Variants in CCAR1 observed in about 807,000 individuals in gnomAD.
CCAR1 encodes cell division cycle and apoptosis regulator 1.
A neutral mutation model predicts 163.8 loss-of-function variants in CCAR1; 78 were observed. The ratio of observed to expected loss-of-function variants is 0.48; its 90% CI spans 0.40 to 0.57. The LOEUF (loss-of-function observed/expected upper bound fraction) is 0.57. CCAR1 is among the 20% of genes least tolerant of loss of function. The pLI is 0.00. For synonymous variants in CCAR1, 443 were observed against 460.7 expected (o/e 0.96, Z 0.49); for missense variants, 1,019 against 1,365.2 (o/e 0.75, Z 4.00).
At chr10:68,774,230 G>C (rs937467551) in intron 19 of CCAR1, among the ~76,000 whole-genome samples, 6 of 152,088 alleles carry the variant, frequency 3.9e-5, no homozygotes, top group African/African-American at 1.4e-4. Context: ...GTCTCATTCT[G>C]TTGCCCAGGC....
intron 2 of CCAR1, among the ~76,000 whole-genome samples, chr10:68,733,907 A>G (rs890983626): frequency 2.0e-5 from 3 of 151,982 alleles, no homozygotes; most frequent in Non-Finnish European, 4.4e-5. Context: ...CAGGTGATCT[A>G]CCCTGCTCAG....
chr10:68,762,782 A>G (rs2133381164), intron 16 of CCAR1, among the ~76,000 whole-genome samples: 1 of 152,042 alleles, frequency 6.6e-6, no homozygotes, highest in East Asian at 1.9e-4. Context: ...TTAGAATGTG[A>G]AAAATTCTCG....
chr10:68,766,750 T>C (rs573793214), intron 17 of CCAR1, among the ~76,000 whole-genome samples: 1 of 150,084 alleles, frequency 6.7e-6, no homozygotes, highest in East Asian at 2.0e-4. Flanking sequence ...GGTCTCGAAC[T>C]CCAACCTCAG....
chr10:68,747,370 G>C lies in CCAR1; in HGVS notation c.634-4G>C. On this transcript the variant is annotated splice_region_variant and splice_polypyrimidine_tract_variant and intron_variant, in intron 7 of 24. Transcript: ENST00000265872. ...TTTCTTATTCTTTCATTTTTTAATT[G>C]AAGAATCAGTCGCAAACCCAGCCAT... The C allele has an allele frequency of 6.2e-7, 1 of 1,602,224 alleles. No homozygotes were observed. Among genetic ancestry groups the C allele is most frequent in the Non-Finnish European group, 8.5e-7 (1 of 1,175,544 alleles).
At chr10:68,772,168 C>T (rs1276904740) in intron 18 of CCAR1, among the ~76,000 whole-genome samples, 4 of 152,024 alleles carry the variant, frequency 2.6e-5, no homozygotes, top group East Asian at 1.9e-4. Context: ...TGTGAGCCAC[C>T]GCACCCAGCC....
intron 17 of CCAR1, among the ~76,000 whole-genome samples, chr10:68,769,304 A>G (rs565723906): frequency 6.6e-6 from 1 of 152,326 alleles, no homozygotes; most frequent in Admixed American, 6.5e-5. Flanking sequence ...GTCTGTTGAA[A>G]GCAATGGACT....
chr10:68,772,025 C>G (rs535420684), intron 18 of CCAR1, among the ~76,000 whole-genome samples: 54 of 151,988 alleles, frequency 3.6e-4, no homozygotes, highest in African/African-American at 1.3e-3. Flanking sequence ...TGCACACCAC[C>G]TTGCCCAGCT....
At chr10:68,747,601 T>A (rs2133346950) in intron 8 of CCAR1, 35 bp downstream of exon 8, 1 of 1,556,984 alleles carries the variant, frequency 6.4e-7, no homozygotes, top group Middle Eastern at 1.7e-4. Flanking sequence ...AATGTATAAC[T>A]TTTTAGTTGT....
intron 2 of CCAR1, among the ~76,000 whole-genome samples, chr10:68,725,391 C>G (rs1165058253): frequency 1.0e-5 from 1 of 99,028 alleles, no homozygotes; most frequent in Non-Finnish European, 2.4e-5. Flanking sequence ...GAGTGAGACT[C>G]CAGCTCAAAA....
chr10:68,786,990 C>T, intron 21 of CCAR1: 2 of 222,172 alleles, frequency 9.0e-6, no homozygotes, highest in Non-Finnish European at 1.8e-5. Flanking sequence ...GAAGCTGAGA[C>T]AGGAGAATCT....
intron 15 of CCAR1, 129 bp downstream of exon 15, chr10:68,757,506 C>G: frequency 2.0e-6 from 1 of 511,550 alleles, no homozygotes; most frequent in Non-Finnish European, 3.5e-6. Flanking sequence ...CCTCTGCCTC[C>G]TGGGTTCAGT....
At chr10:68,785,641 A>T (rs2056787776) in intron 19 of CCAR1, among the ~76,000 whole-genome samples, 1 of 152,206 alleles carries the variant, frequency 6.6e-6, no homozygotes. Flanking sequence ...TTGTGCCTGT[A>T]TGCAAGTCAG....
Position 68,742,381 on chromosome 10 carries a change from T to G in CCAR1, c.330T>G (p.Ala110=). The G allele has an allele frequency of 6.3e-7, 1 of 1,596,642 alleles. No individual in the cohort carries two copies. The highest frequency in any genetic ancestry group is 8.5e-7 in the Non-Finnish European group (1 of 1,171,050). Residue 110 remains alanine, a synonymous_variant, in exon 6 of 25, where the codon GCT becomes GCG. Transcript: ENST00000265872. ...QPQQTLLTQP[A]VALPTSLSLS... is the part of the protein sequence containing the mutation. ...ATGTTGATTTTGTTTTATAGCCAGC[T>G]GTTGCACTGCCTACAAGCCTTAGCC...
intron 11 of CCAR1, 90 bp from the exon 12 acceptor site, chr10:68,754,624 C>T: frequency 3.0e-6 from 2 of 659,482 alleles, no homozygotes; most frequent in Non-Finnish European, 5.3e-6. Flanking sequence ...AAATTTCAGA[C>T]ATCTTATATT....
At chr10:68,723,568 G>T (rs1461582458) in intron 2 of CCAR1, among the ~76,000 whole-genome samples, 2 of 151,902 alleles carry the variant, frequency 1.3e-5, no homozygotes, top group Non-Finnish European at 1.5e-5. Flanking sequence ...AAGTAAATGG[G>T]CCGGGCGCGG....
chr10:68,763,835 T>G (rs1470605672), intron 16 of CCAR1, among the ~76,000 whole-genome samples: 1 of 152,222 alleles, frequency 6.6e-6, no homozygotes, highest in African/African-American at 2.4e-5. Context: ...CATACCTTCA[T>G]CACTTTTTGA....
chr10:68,771,078 A>C, intron 17 of CCAR1, 128 bp from the exon 18 acceptor site: 1 of 297,144 alleles, frequency 3.4e-6, no homozygotes, highest in Non-Finnish European at 5.7e-6. Context: ...ACTCCATCTC[A>C]AAAAAAAAAA....
chr10:68,738,104 T>A (rs1589158148), intron 4 of CCAR1, among the ~76,000 whole-genome samples: 2 of 152,130 alleles, frequency 1.3e-5, no homozygotes, highest in South Asian at 4.1e-4. Flanking sequence ...AGCCAGTCTT[T>A]GTCGCATGTT....
At chr10:68,767,818 C>T (rs897030359) in intron 17 of CCAR1, among the ~76,000 whole-genome samples, 1 of 152,182 alleles carries the variant, frequency 6.6e-6, no homozygotes, top group African/African-American at 2.4e-5. Context: ...TTCACCTAGC[C>T]TGTATCATTA....
Sources: allele counts gnomAD v4.1 joint callset (sites outside exome capture counted in the v4.1 genomes callset), GRCh38; gene constraint gnomAD v4.1.1; transcripts MANE v1.5; gene names NCBI Gene and HGNC (gene_info 2026-07-23, HGNC 2026-07-21).